The following ACYP2 variants were observed in gnomAD, a reference collection of about 807,000 sequenced individuals.
The protein encoded by ACYP2 is acylphosphatase 2.
ACYP2 carries 12 observed loss-of-function variants against 11.2 expected under a neutral mutation model. The observed-to-expected ratio is 1.08, with a 90% CI of 0.69 to 1.74. ACYP2 has a LOEUF of 1.74. Ranked by LOEUF, ACYP2 falls within the 40% of genes most tolerant of loss-of-function variation. The probability of loss-of-function intolerance (pLI) is 0.00; values close to 1 mark genes in which losing one functional copy is unlikely to be tolerated. For missense variants in ACYP2, 134 were observed against 101.9 expected, an observed-to-expected ratio of 1.31 and a Z score of -1.35; for synonymous variants, 43 against 32.2, an observed-to-expected ratio of 1.33 and a Z score of -1.13.
intron 4 of ACYP2, among the ~76,000 whole-genome samples, chr2:54,091,165 A>G (rs971066486): frequency 6.6e-6 from 1 of 152,240 alleles, no homozygotes; most frequent in Non-Finnish European, 1.5e-5. Flanking sequence ...AGCTCAAAGG[A>G]GTATTTATCA....
chr2:54,301,371 A>C (rs1205141367), intron 6 of ACYP2, among the ~76,000 whole-genome samples: 2 of 152,164 alleles, frequency 1.3e-5, no homozygotes, highest in African/African-American at 4.8e-5. Context: ...CCTTGACCAG[A>C]GTTAACCCCC....
chr2:54,144,923 C>CTA (rs1167936665), intron 6 of ACYP2, among the ~76,000 whole-genome samples: 3 of 152,124 alleles, frequency 2.0e-5, no homozygotes, highest in Non-Finnish European at 4.4e-5. Context: ...TGTTGCTCCT[C>CTA]TAAGTCTTCA....
At chr2:54,100,479 GA>G (rs1431476091) in intron 4 of ACYP2, among the ~76,000 whole-genome samples, 4 of 151,278 alleles carry the variant, frequency 2.6e-5, no homozygotes, top group East Asian at 3.9e-4. Context: ...ATTAAAAAAA[GA>G]TTTTTTTTTT....
chr2:54,288,450 G>A (rs899189288), intron 6 of ACYP2, among the ~76,000 whole-genome samples: 1 of 152,024 alleles, frequency 6.6e-6, no homozygotes, highest in Non-Finnish European at 1.5e-5. Flanking sequence ...CTATCATTAT[G>A]TATATTCTCT....
chr2:54,151,244 C>T (rs1417375196), intron 6 of ACYP2, among the ~76,000 whole-genome samples: 1 of 152,028 alleles, frequency 6.6e-6, no homozygotes, highest in Non-Finnish European at 1.5e-5. Flanking sequence ...TTTGAGTTTC[C>T]AGTTGTGACA....
chr2:54,039,960 A>T (rs996333790), intron 2 of ACYP2, among the ~76,000 whole-genome samples: 28 of 151,358 alleles, frequency 1.8e-4, no homozygotes, highest in Non-Finnish European at 2.9e-5. Flanking sequence ...GGCTTAAGAG[A>T]TCTTTGTGCC....
Position 53,973,817 on chromosome 2 carries a change from G to C in ACYP2, c.62+7G>C, listed in dbSNP as rs942980023. The C allele has an allele frequency of 7.1e-6, 2 of 280,868 alleles. No homozygotes were observed. The highest frequency in any genetic ancestry group is 5.3e-5 in the Admixed American group (1 of 18,884). The allele number at this position is 280,868 out of a possible 1,614,324, so 17.4% of individuals were successfully genotyped here. A position where few individuals can be genotyped will look rare whatever the true frequency, so the allele number is the denominator to read the frequency against. ...CGCGCGAGACAATGAGGAGGTACTT[G>C]GAATAAAAGGAGGGATTTTTGAATG... On this transcript the variant is annotated splice_region_variant and intron_variant, in intron 2 of 6. Transcript: ENST00000607452.
At chr2:54,174,042 A>G (rs982381168) in intron 6 of ACYP2, among the ~76,000 whole-genome samples, 15 of 152,296 alleles carry the variant, frequency 9.8e-5, no homozygotes, top group Non-Finnish European at 1.9e-4. Context: ...TATGAACTTT[A>G]AAGTAGTTTT....
chr2:54,287,915 T>G (rs572421535), intron 6 of ACYP2, among the ~76,000 whole-genome samples: 1 of 152,136 alleles, frequency 6.6e-6, no homozygotes, highest in East Asian at 1.9e-4. Context: ...CCCACAGTAT[T>G]GGGAACATTC....
At chr2:54,225,456 A>G (rs2103957402) in intron 6 of ACYP2, among the ~76,000 whole-genome samples, 1 of 152,186 alleles carries the variant, frequency 6.6e-6, no homozygotes. Flanking sequence ...CTTTTAATAC[A>G]TGGGGAGTGA....
Position 54,138,641 on chromosome 2 carries a change from T to C in ACYP2, c.297T>C (p.Tyr99=). The change falls in exon 6 of 7, where the codon TAT becomes TAC. Residue 99 remains tyrosine (Y), a splice_region_variant and synonymous_variant. Transcript: ENST00000607452. ...CTTCTTGTTTTTTCCTGAAACAGTA[T>C]ACAGAAGATGAAGCTAGGAAAATAG... is the stretch of plus-strand genomic sequence containing the variant. 6.2e-7 allele frequency: 1 copy of C among 1,613,088 alleles called. No homozygotes were observed. The highest frequency in any genetic ancestry group is 1.3e-5 in the African/African-American group (1 of 75,024).
chr2:54,271,598 A>G (rs1239059810), intron 6 of ACYP2, among the ~76,000 whole-genome samples: 1 of 151,926 alleles, frequency 6.6e-6, no homozygotes, highest in Non-Finnish European at 1.5e-5. Context: ...AATTATCCAT[A>G]CAAACCCTAG....
At chr2:54,177,243 A>G (rs1221559270) in intron 6 of ACYP2, among the ~76,000 whole-genome samples, 2 of 152,058 alleles carry the variant, frequency 1.3e-5, no homozygotes. Context: ...GAAGGCACTG[A>G]TAGGAGATCA....
intron 6 of ACYP2, chr2:54,255,712 G>T (rs1042882931): frequency 3.1e-6 from 5 of 1,613,706 alleles, no homozygotes; most frequent in Non-Finnish European, 4.2e-6. Context: ...CACGTCCTCG[G>T]CCTTCCCCTC....
intron 4 of ACYP2, among the ~76,000 whole-genome samples, chr2:54,061,239 C>A (rs868276991): frequency 6.6e-6 from 1 of 152,146 alleles, no homozygotes; most frequent in Non-Finnish European, 1.5e-5. Context: ...ACTTTTATGT[C>A]TTAGAAATAT....
intron 2 of ACYP2, among the ~76,000 whole-genome samples, chr2:54,036,439 G>A (rs1488734333): frequency 6.6e-6 from 1 of 152,206 alleles, no homozygotes; most frequent in Non-Finnish European, 1.5e-5. Context: ...GTTTCTGTGG[G>A]CATCTTTGGG....
chr2:54,108,384 T>G (rs1007053837), intron 4 of ACYP2, among the ~76,000 whole-genome samples: 1 of 152,222 alleles, frequency 6.6e-6, no homozygotes, highest in Admixed American at 6.5e-5. Flanking sequence ...TGAGTTATTT[T>G]AAAGACACGA....
chr2:53,981,925 T>C (rs1360464787), intron 2 of ACYP2, among the ~76,000 whole-genome samples: 1 of 152,204 alleles, frequency 6.6e-6, no homozygotes, highest in Non-Finnish European at 1.5e-5. Context: ...TATTAAAACG[T>C]TTATTTGATA....
chr2:54,209,600 T>G (rs1485612785), intron 6 of ACYP2, among the ~76,000 whole-genome samples: 1 of 152,238 alleles, frequency 6.6e-6, no homozygotes, highest in Admixed American at 6.5e-5. Flanking sequence ...AAACATTTAT[T>G]ACGCTTCTCA....
Sources: gnomAD v4.1 joint callset for allele counts (sites outside exome capture counted in the v4.1 genomes callset) on GRCh38, gnomAD v4.1.1 for gene constraint, MANE v1.5 for transcripts, NCBI Gene and HGNC (gene_info 2026-07-23, HGNC 2026-07-21) for gene names.